KCNQ3: variants seen among roughly 807,000 people sequenced by gnomAD.
KCNQ3 encodes the protein potassium voltage-gated channel subfamily Q member 3.
Under a neutral mutation model 92.5 loss-of-function variants are expected in KCNQ3, and 30 were observed. The ratio of observed to expected loss-of-function variants is 0.32; its 90% CI spans 0.24 to 0.44. KCNQ3 has a LOEUF of 0.44. Ranked by LOEUF, KCNQ3 falls within the 20% of genes least tolerant of loss-of-function variation. The pLI, the probability that KCNQ3 is intolerant of heterozygous loss-of-function variation, is 1.00. For synonymous variants in KCNQ3, 450 were observed against 468.8 expected, an observed-to-expected ratio of 0.96 and a Z score of 0.52; for missense variants, 913 against 1,140.3, an observed-to-expected ratio of 0.80 and a Z score of 2.87.
chr8:132,199,965 T>C (rs923335666), intron 1 of KCNQ3, among the ~76,000 whole-genome samples: 3 of 151,082 alleles, frequency 2.0e-5, no homozygotes, highest in Non-Finnish European at 4.4e-5. Flanking sequence ...TTCTAGTACA[T>C]AGTGGGCACT....
intron 1 of KCNQ3, among the ~76,000 whole-genome samples, chr8:132,408,981 A>G (rs1170526360): frequency 1.3e-5 from 2 of 152,204 alleles, no homozygotes; most frequent in Non-Finnish European, 2.9e-5. Flanking sequence ...ACACAGCTAT[A>G]CCATGTGAGG....
chr8:132,130,021 T>C (rs1216950964), intron 14 of KCNQ3, 25 bp from the exon 15 acceptor site: 14 of 1,611,194 alleles, frequency 8.7e-6, no homozygotes, highest in Non-Finnish European at 1.1e-5. Context: ...GAGCTGTGAA[T>C]TACCACTTTC....
chr8:132,193,733 A>T (rs1422746330), intron 1 of KCNQ3, among the ~76,000 whole-genome samples: 1 of 152,124 alleles, frequency 6.6e-6, no homozygotes, highest in Non-Finnish European at 1.5e-5. Context: ...GAGGAAGGGG[A>T]CTATCATTTT....
chr8:132,422,980 G>A (rs1166424869), intron 1 of KCNQ3, among the ~76,000 whole-genome samples: 1 of 152,194 alleles, frequency 6.6e-6, no homozygotes, highest in Non-Finnish European at 1.5e-5. Context: ...TGGAGATGTA[G>A]GCAGAGGAAC....
At chr8:132,454,277 T>A (rs1047844588) in intron 1 of KCNQ3, among the ~76,000 whole-genome samples, 1 of 152,132 alleles carries the variant, frequency 6.6e-6, no homozygotes, top group Non-Finnish European at 1.5e-5. Flanking sequence ...CTAACAGCTG[T>A]GTGTCCCTGG....
chr8:132,188,610 AG>A (rs1827069489), intron 1 of KCNQ3, among the ~76,000 whole-genome samples: 1 of 152,230 alleles, frequency 6.6e-6, no homozygotes, highest in Admixed American at 6.5e-5. Context: ...CTTCAGTAAG[AG>A]TTAACTATCA....
At chr8:132,331,217 T>C (rs1484975641) in intron 1 of KCNQ3, among the ~76,000 whole-genome samples, 1 of 152,148 alleles carries the variant, frequency 6.6e-6, no homozygotes, top group Non-Finnish European at 1.5e-5. Flanking sequence ...AGATGAGGAA[T>C]TTGAAAGTCT....
intron 1 of KCNQ3, among the ~76,000 whole-genome samples, chr8:132,265,027 G>A (rs1815935327): frequency 6.6e-6 from 1 of 152,194 alleles, no homozygotes. Context: ...TAACCTCTCT[G>A]AGCCACAACT....
rs542539911 is a variant in KCNQ3, at chr8:132,430,253, T to A, written c.386+49894A>T. 3.9e-5 allele frequency among the ~76,000 whole-genome samples: 6 copies of A among 152,284 alleles called. No homozygotes were observed. The South Asian group carries it at 1.2e-3, about 32-fold the overall frequency. Reference sequence around the variant, plus strand: ...TTAACAAAGACTAGCCTCGTTCCCATCCAAGACCAAGTAAATAATAATCTC... The same window carrying A: ...TTAACAAAGACTAGCCTCGTTCCCAACCAAGACCAAGTAAATAATAATCTC... On this transcript the variant is annotated intron_variant, in intron 1 of 14. Coordinates refer to ENST00000388996, the MANE Select transcript of KCNQ3 (RefSeq NM_004519.4).
chr8:132,451,289 A>AC (rs1429455211), intron 1 of KCNQ3, among the ~76,000 whole-genome samples: 1 of 152,222 alleles, frequency 6.6e-6, no homozygotes, highest in Admixed American at 6.5e-5. Flanking sequence ...GCCACGTGGA[A>AC]CTGTGAGTCC....
At chr8:132,184,107 G>T in intron 3 of KCNQ3, 134 bp downstream of exon 3, 1 of 1,088,138 alleles carries the variant, frequency 9.2e-7, no homozygotes. Context: ...TCTCATCGAG[G>T]CAGCGTCAGG....
chr8:132,194,426 A>G (rs140216120), intron 1 of KCNQ3, among the ~76,000 whole-genome samples: 22 of 152,260 alleles, frequency 1.4e-4, no homozygotes, highest in African/African-American at 2.9e-4. Flanking sequence ...CAGCCCCAAA[A>G]AGGATGTTTG....
At chr8:132,453,668 T>C (rs564063678) in intron 1 of KCNQ3, among the ~76,000 whole-genome samples, 73 of 152,170 alleles carry the variant, frequency 4.8e-4, no homozygotes, top group African/African-American at 1.7e-3. Context: ...TCAATTCTCA[T>C]TGATCTGTTT....
intron 1 of KCNQ3, among the ~76,000 whole-genome samples, chr8:132,343,849 T>C (rs1399432349): frequency 1.3e-5 from 2 of 152,146 alleles, no homozygotes; most frequent in Non-Finnish European, 2.9e-5. Flanking sequence ...CACCCTGAAA[T>C]GAAGGGCGTA....
intron 1 of KCNQ3, among the ~76,000 whole-genome samples, chr8:132,275,578 A>G (rs1252571233): frequency 7.8e-6 from 1 of 127,816 alleles, no homozygotes; most frequent in Admixed American, 8.5e-5. Flanking sequence ...GCACCAGTGA[A>G]ACCTTTTTTT....
chr8:132,174,969 G>C (rs1563788285), intron 5 of KCNQ3, among the ~76,000 whole-genome samples: 1 of 152,198 alleles, frequency 6.6e-6, no homozygotes, highest in African/African-American at 2.4e-5. Flanking sequence ...TTTAAAAAGA[G>C]CTAATGATAG....
intron 9 of KCNQ3, among the ~76,000 whole-genome samples, chr8:132,148,526 G>T (rs184585577): frequency 7.7e-4 from 118 of 152,332 alleles, no homozygotes; most frequent in Non-Finnish European, 1.4e-3. Context: ...TTGTGTGATG[G>T]TTAATTTTAT....
intron 1 of KCNQ3, among the ~76,000 whole-genome samples, chr8:132,416,880 G>T (rs1489702271): frequency 6.6e-6 from 1 of 152,158 alleles, no homozygotes; most frequent in Non-Finnish European, 1.5e-5. Context: ...AACTGAAACT[G>T]AAAGGCAGGG....
chr8:132,291,787 G>A (rs1487814707), intron 1 of KCNQ3, among the ~76,000 whole-genome samples: 2 of 152,150 alleles, frequency 1.3e-5, no homozygotes, highest in Non-Finnish European at 2.9e-5. Context: ...TGCGTATTAG[G>A]AACCAGATGA....
Sources: allele counts gnomAD v4.1 joint callset (sites outside exome capture counted in the v4.1 genomes callset), GRCh38; gene constraint gnomAD v4.1.1; transcripts MANE v1.5; gene names NCBI Gene and HGNC (gene_info 2026-07-23, HGNC 2026-07-21).